The following FBXO34 variants were observed in gnomAD, a reference collection of about 807,000 sequenced individuals.
FBXO34 encodes the protein F-box only protein 34.
In FBXO34, 12 loss-of-function variants were observed where a neutral mutation model predicts 24.5. That is an observed-to-expected ratio of 0.49 (90% confidence interval 0.31 to 0.79). The LOEUF (loss-of-function observed/expected upper bound fraction) is 0.79, where lower values mean the gene tolerates loss of function less well. Ranked by LOEUF, FBXO34 falls within the 30% of genes least tolerant of loss-of-function variation. The probability of loss-of-function intolerance (pLI) is 0.04; values close to 1 mark genes in which losing one functional copy is unlikely to be tolerated. For synonymous variants in FBXO34, 320 were observed against 311.9 expected (o/e 1.03, Z -0.27); for missense variants, 823 against 857.7 (o/e 0.96, Z 0.51).
downstream of FBXO34, among the ~76,000 whole-genome samples, chr14:55,372,802 G>A (rs927619884): frequency 5.9e-5 from 9 of 152,010 alleles, no homozygotes; most frequent in Non-Finnish European, 7.4e-5. Context: ...GTTTTCCCAG[G>A]AGACAGGCAG....
At chr14:55,316,979 G>A (rs1020286388) in intron 1 of FBXO34, among the ~76,000 whole-genome samples, 1 of 152,154 alleles carries the variant, frequency 6.6e-6, no homozygotes, top group Non-Finnish European at 1.5e-5. Context: ...TGCAAGTACG[G>A]CTTATCAACT....
At chr14:55,429,462 C>T in the FBXO34 span, among the ~76,000 whole-genome samples, 1 of 152,162 alleles carries the variant, frequency 6.6e-6, no homozygotes, top group African/African-American at 2.4e-5. Context: ...CAAAGTATGT[C>T]CCATTTAGAA....
intron 1 of FBXO34, among the ~76,000 whole-genome samples, chr14:55,338,586 C>T (rs1883873439): frequency 6.6e-6 from 1 of 152,084 alleles, no homozygotes; most frequent in South Asian, 2.1e-4. Flanking sequence ...TACCTTTTAT[C>T]TCTAGCTCTA....
the FBXO34 span, among the ~76,000 whole-genome samples, chr14:55,433,952 C>G: frequency 2.6e-5 from 4 of 152,136 alleles, no homozygotes; most frequent in African/African-American, 9.7e-5. Context: ...TGTTATGTTT[C>G]AGTTCCTATT....
chr14:55,275,002 G>A (rs1881286677), intron 1 of FBXO34, among the ~76,000 whole-genome samples: 1 of 152,190 alleles, frequency 6.6e-6, no homozygotes, highest in African/African-American at 2.4e-5. Flanking sequence ...AACTCGAAAT[G>A]CATTTAGGTC....
intron 1 of FBXO34, chr14:55,318,319 G>A (rs1186231706): frequency 1.2e-5 from 1 of 86,326 alleles, no homozygotes; most frequent in African/African-American, 4.9e-5. Context: ...CCAATCCCCT[G>A]TTGGTTTGCA....
chr14:55,338,391 A>G (rs1594759907), intron 1 of FBXO34, among the ~76,000 whole-genome samples: 1 of 151,856 alleles, frequency 6.6e-6, no homozygotes, highest in East Asian at 1.9e-4. Flanking sequence ...TGATCTTTGT[A>G]AGTTCCTTAA....
chr14:55,332,698 G>T (rs1245108792), intron 1 of FBXO34, among the ~76,000 whole-genome samples: 1 of 152,044 alleles, frequency 6.6e-6, no homozygotes, highest in Non-Finnish European at 1.5e-5. Context: ...CTTAAAATGT[G>T]GTATGTTTTG....
chr14:55,385,906 C>A, the FBXO34 span: 1 of 1,614,038 alleles, frequency 6.2e-7, no homozygotes, highest in South Asian at 1.1e-5. Flanking sequence ...CAGAGGTGAG[C>A]TCTAATATAT....
chr14:55,337,000 C>T (rs1266681542), intron 1 of FBXO34, among the ~76,000 whole-genome samples: 2 of 139,734 alleles, frequency 1.4e-5, no homozygotes, highest in African/African-American at 5.2e-5. Context: ...TTTTTTGAGA[C>T]AGTCTCACTC....
intron 1 of FBXO34, among the ~76,000 whole-genome samples, chr14:55,295,890 C>A (rs1481245969): frequency 6.6e-6 from 1 of 152,184 alleles, no homozygotes; most frequent in African/African-American, 2.4e-5. Context: ...CTTAGTGGAA[C>A]AGTAATGTCA....
intron 1 of FBXO34, 63 bp from the exon 2 acceptor site, chr14:55,350,317 TA>T (rs1157570917): frequency 7.8e-7 from 1 of 1,280,692 alleles, no homozygotes; most frequent in East Asian, 2.6e-5. Flanking sequence ...AGCTTAAATT[TA>T]AAAACATTTT....
intron 3 of FBXO34, among the ~76,000 whole-genome samples, chr14:55,359,201 C>T (rs933517809): frequency 1.3e-5 from 2 of 152,104 alleles, no homozygotes; most frequent in Admixed American, 1.3e-4. Flanking sequence ...CAGAACAAGC[C>T]TCCCCCCAGC....
At chr14:55,306,852 C>CAAAACAAAA (rs1185295179) in intron 1 of FBXO34, among the ~76,000 whole-genome samples, 1 of 151,624 alleles carries the variant, frequency 6.6e-6, no homozygotes, top group African/African-American at 2.4e-5. Context: ...CAAAACAAAA[C>CAAAACAAAA]AAAAAACAGG....
Position 55,351,624 on chromosome 14 carries a change from G to T in FBXO34, c.1234G>T (p.Val412Phe), listed in dbSNP as rs941799193. 2 of 1,614,092 alleles carry T rather than the reference G, an allele frequency of 1.2e-6. No individual in the cohort carries two copies. Among genetic ancestry groups the T allele is most frequent in the East Asian group, 2.2e-5 (1 of 44,902 alleles). ...TGATGTGGAAATGACAGATGAACTC[G>T]TTGGGTTACCTTTTTCCTCTCATAC... ...RYDVEMTDEL[V>F]GLPFSSHTYS... is the part of the protein sequence containing the mutation. The change falls in exon 2 of 2, where the codon GTT becomes TTT. Residue 412 changes from valine (V) to phenylalanine (F), a missense_variant. Physicochemically the swap from Val to Phe is conservative, Grantham distance 50. Coordinates refer to ENST00000313833, the MANE Select transcript of FBXO34 (RefSeq NM_017943.4).
chr14:55,349,607 C>CTTTTTTTTTTT lies in FBXO34; in HGVS notation c.-10-766_-10-756dup, dbSNP rs57284715. Among the ~76,000 whole-genome samples, 136 of 116,592 alleles carry CTTTTTTTTTTT rather than the reference C, an allele frequency of 1.2e-3. 3 individuals are homozygous for CTTTTTTTTTTT. In the East Asian group the frequency reaches 0.021, roughly 18 times the overall value. 76.5% of individuals were successfully genotyped at this position (116,592 alleles called of 152,430 possible). A position where few individuals can be genotyped will look rare whatever the true frequency, so the allele number is the denominator to read the frequency against. ...GAATAGTTTAGGAAGCAATAATTTT[C>CTTTTTTTTTTT]TTTTTTTTTTTTTTTTTTGAGACAA... is the stretch of plus-strand genomic sequence containing the variant. On this transcript the variant is annotated intron_variant, in intron 1 of 1. Transcript: ENST00000313833.
rs769135349 is a variant in FBXO34, at chr14:55,351,304, A to G, written c.914A>G (p.Asn305Ser). 1.2e-5 allele frequency: 20 copies of G among 1,614,116 alleles called. No individual in the cohort carries two copies. Among genetic ancestry groups the G allele is most frequent in the East Asian group, 2.2e-5 (1 of 44,904 alleles). The change falls in exon 2 of 2, where the codon AAT becomes AGT. Residue 305 changes from asparagine to serine, a missense_variant. This residue lies in a region of FBXO34 where 693 missense variants were observed against 659.1 expected (regional missense o/e 1.05). Transcript: ENST00000313833. ...CGTGAGCCTGGGAGCCTCTCAAGGA[A>G]TAACAGCTTCCGTCGAAATGTGGGC... ...GQREPGSLSR[N>S]NSFRRNVGRV... is the part of the protein sequence containing the mutation.
At chr14:55,428,487 A>G in the FBXO34 span, among the ~76,000 whole-genome samples, 2 of 152,162 alleles carry the variant, frequency 1.3e-5, no homozygotes, top group South Asian at 2.1e-4. Context: ...TCTGACCAGT[A>G]GCACTGTCAT....
At position 55,352,599 on chromosome 14, in the gene FBXO34, C is replaced by T. The variant is rs925850398; in HGVS notation, c.*73C>T. Reference sequence around the variant, plus strand: ...CACCTAGATACACCGTTCAAATGAGCGTAGCCCCCTGAGTCATCACTCTAG... The same window carrying T: ...CACCTAGATACACCGTTCAAATGAGTGTAGCCCCCTGAGTCATCACTCTAG... On this transcript the variant is annotated 3_prime_UTR_variant, in exon 2 of 2. Transcript: ENST00000313833. 3.9e-5 allele frequency: 49 copies of T among 1,247,056 alleles called. No homozygotes were observed. The highest frequency in any genetic ancestry group is 1.5e-4 in the South Asian group (10 of 65,212). The allele number at this position is 1,247,056 out of a possible 1,614,324, so 77.2% of individuals were successfully genotyped here. A position where few individuals can be genotyped will look rare whatever the true frequency, so the allele number is the denominator to read the frequency against.
Sources: gnomAD v4.1 joint callset for allele counts (sites outside exome capture counted in the v4.1 genomes callset) on GRCh38, gnomAD v4.1.1 for gene constraint, gnomAD v4.1.1 regional missense constraint, MANE v1.5 for transcripts, NCBI Gene and HGNC (gene_info 2026-07-23, HGNC 2026-07-21) for gene names.